SYNE1: variants seen among roughly 807,000 people sequenced by gnomAD.
SYNE1 encodes spectrin repeat containing nuclear envelope protein 1.
A neutral mutation model predicts 1,111.0 loss-of-function variants in SYNE1; 616 were observed. The ratio of observed to expected loss-of-function variants is 0.55; its 90% confidence interval spans 0.52 to 0.59. The LOEUF is 0.59. SYNE1 is among the 20% of genes least tolerant of loss of function. The pLI is 0.00. For missense variants in SYNE1, 10,006 were observed against 10,417.0 expected (o/e 0.96, Z 1.72); for synonymous variants, 3,855 against 3,825.8 (o/e 1.01, Z -0.28).
chr6:152,461,519 G>A, intron 21 of SYNE1, 78 bp downstream of exon 21: 1 of 1,569,050 alleles, frequency 6.4e-7, no homozygotes, highest in East Asian at 2.2e-5. Flanking sequence ...CTTTGCCCAT[G>A]GGGAGAAGGA....
chr6:152,221,242 G>C (rs182707990), intron 118 of SYNE1, among the ~76,000 whole-genome samples, 184 bp downstream of exon 118: 17 of 152,256 alleles, frequency 1.1e-4, no homozygotes, highest in Admixed American at 5.2e-4. Context: ...TGGGTGTACA[G>C]TACTTCTAAT....
At position 152,463,363 on chromosome 6, in the gene SYNE1, T is replaced by C. The variant is rs1475464182; in HGVS notation, c.2087A>G (p.Glu696Gly). 2 of 1,613,612 alleles carry C rather than the reference T, an allele frequency of 1.2e-6. No individual in the cohort carries two copies. The highest frequency in any genetic ancestry group is 2.2e-5 in the South Asian group (2 of 91,084). Residue 696 changes from glutamate (E) to glycine (G), a missense_variant, in exon 19 of 146, where the codon GAA becomes GGA. Physicochemically the swap from Glu to Gly is moderately conservative, Grantham distance 98. Coordinates refer to ENST00000367255, the MANE Select transcript of SYNE1 (RefSeq NM_182961.4). ...LNGRWRELFM[E>G]VKQYAQADEM... ...ACTTGAAAGACATACTTGCTTGACT[T>C]CCATAAACAACTCCCTCCACCGCCC...
At chr6:152,398,130 T>G (rs2097764141) in intron 49 of SYNE1, among the ~76,000 whole-genome samples, 1 of 152,210 alleles carries the variant, frequency 6.6e-6, no homozygotes, top group South Asian at 2.1e-4. Context: ...TTCTTAACTC[T>G]ACTTCACCAT....
At chr6:152,541,606 G>C (rs945333866) in intron 3 of SYNE1, among the ~76,000 whole-genome samples, 6 of 151,902 alleles carry the variant, frequency 3.9e-5, no homozygotes, top group Non-Finnish European at 2.9e-5. Flanking sequence ...AAATTAGCCG[G>C]GTGTGCTGGC....
At chr6:152,549,281 A>G (rs760641909) in intron 3 of SYNE1, among the ~76,000 whole-genome samples, 14 of 152,218 alleles carry the variant, frequency 9.2e-5, no homozygotes, top group Non-Finnish European at 1.9e-4. Flanking sequence ...TGCCTGGTAT[A>G]TTGTCTTATA....
At chr6:152,582,876 T>C (rs2099525219) in intron 3 of SYNE1, among the ~76,000 whole-genome samples, 1 of 152,154 alleles carries the variant, frequency 6.6e-6, no homozygotes, top group South Asian at 2.1e-4. Context: ...AATTCTACAA[T>C]ATAAATTTAT....
At chr6:152,310,227 A>C (rs1372898627) in intron 89 of SYNE1, among the ~76,000 whole-genome samples, 169 bp downstream of exon 89, 1 of 152,028 alleles carries the variant, frequency 6.6e-6, no homozygotes, top group Non-Finnish European at 1.5e-5. Flanking sequence ...GGACCACATG[A>C]GTTCAGGAGT....
chr6:152,466,103 G>T, intron 16 of SYNE1, 25 bp from the exon 17 acceptor site: 1 of 1,448,520 alleles, frequency 6.9e-7, no homozygotes. Context: ...ATGGTTAGAA[G>T]ATAGCAAACA....
chr6:152,328,324 G>T (rs1479100723), intron 78 of SYNE1, among the ~76,000 whole-genome samples: 2 of 151,920 alleles, frequency 1.3e-5, no homozygotes, highest in East Asian at 1.9e-4. Flanking sequence ...GGAGAAAATG[G>T]GCCAAGAAGT....
chr6:152,420,410 A>C (rs1020918930), intron 39 of SYNE1, among the ~76,000 whole-genome samples: 8 of 152,346 alleles, frequency 5.3e-5, no homozygotes, highest in African/African-American at 1.9e-4. Context: ...ACTTGAAGTC[A>C]GGAGTTTGAG....
chr6:152,309,105 G>A (rs952998432), intron 90 of SYNE1, among the ~76,000 whole-genome samples: 3 of 152,162 alleles, frequency 2.0e-5, no homozygotes, highest in Admixed American at 2.0e-4. Flanking sequence ...GATCATGTGA[G>A]CCCAGGAGTT....
In SYNE1 at chr6:152,369,578, C is replaced by T. The variant is rs751435080; in HGVS notation, c.9544G>A (p.Ala3182Thr). ...CTCAGCCAGTCCTGGATAGGCTCAG[C>T]ACTTACTTCAAAGTCCTTCATTTGG... ...KIQMKDFEVS[A>T]EPIQDWLSKT... is the part of the protein sequence containing the mutation. Residue 3182 changes from alanine (A) to threonine (T), a missense_variant, in exon 60 of 146, where the codon GCT (alanine) becomes ACT (threonine). Ala to Thr is a moderately conservative substitution (Grantham distance 58). This residue lies in a region of SYNE1 where 4,955 missense variants were observed against 5,017.2 expected (regional missense o/e 0.99). Transcript: ENST00000367255. The T allele has an allele frequency of 5.8e-5, 93 of 1,614,172 alleles. No individual in the cohort carries two copies. The South Asian group carries it at 7.9e-4, about 14-fold the overall frequency.
chr6:152,589,800 A>T (rs1565032750), intron 3 of SYNE1, among the ~76,000 whole-genome samples: 1 of 152,126 alleles, frequency 6.6e-6, no homozygotes, highest in Non-Finnish European at 1.5e-5. Context: ...AGCAAACCTT[A>T]GCTGGATCCA....
intron 69 of SYNE1, 124 bp downstream of exon 69, chr6:152,353,139 T>C: frequency 7.7e-7 from 1 of 1,294,596 alleles, no homozygotes; most frequent in Non-Finnish European, 1.1e-6. Context: ...AGTAAAATGA[T>C]GAGCTCAGGA....
chr6:152,626,886 A>T (rs1003081339), intron 3 of SYNE1, among the ~76,000 whole-genome samples: 7 of 152,200 alleles, frequency 4.6e-5, no homozygotes, highest in African/African-American at 1.4e-4. Context: ...AGAGCTTGGT[A>T]TGTATTTGAA....
chr6:152,233,810 T>C lies in SYNE1; in HGVS notation c.20683A>G (p.Ile6895Val), dbSNP rs2083347552. 3.7e-6 allele frequency: 6 copies of C among 1,614,076 alleles called. No homozygotes were observed. The African/African-American group carries it at 6.7e-5, about 18-fold the overall frequency. The change falls in exon 112 of 146, where the codon ATC (isoleucine) becomes GTC (valine). Residue 6895 changes from isoleucine (I) to valine (V), a missense_variant. Physicochemically the swap from Ile to Val is conservative, Grantham distance 29. Coordinates refer to ENST00000367255, the MANE Select transcript of SYNE1 (RefSeq NM_182961.4). ...DSQWTDLLTNIPAVQEKLHQL... is the reference protein window; with the variant it reads ...DSQWTDLLTNVPAVQEKLHQL... ...TGGAGCTTCTCCTGGACGGCTGGGA[T>C]ATTGGTTAGCAGGTCAGTCCACTGG...
chr6:152,347,365 T>C (rs2096656085), intron 72 of SYNE1, 130 bp from the exon 73 acceptor site: 1 of 1,100,214 alleles, frequency 9.1e-7, no homozygotes, highest in Admixed American at 2.2e-5. Flanking sequence ...ACCTTAGTTA[T>C]ATATTAAATG....
At chr6:152,353,859 A>T in intron 67 of SYNE1, 115 bp from the exon 68 acceptor site, 1 of 1,370,370 alleles carries the variant, frequency 7.3e-7, no homozygotes, top group Non-Finnish European at 1.0e-6. Flanking sequence ...GTTTATTTTG[A>T]GATTTAATTT....
chr6:152,350,570 A>G, intron 71 of SYNE1, 48 bp downstream of exon 71: 1 of 1,613,548 alleles, frequency 6.2e-7, no homozygotes, highest in Non-Finnish European at 8.5e-7. Context: ...GTCAGGGCCC[A>G]CATTTTGGAA....
Sources: allele counts gnomAD v4.1 joint callset (sites outside exome capture counted in the v4.1 genomes callset), GRCh38; gene constraint gnomAD v4.1.1; regional missense constraint gnomAD v4.1.1; transcripts MANE v1.5; gene names NCBI Gene and HGNC (gene_info 2026-07-23, HGNC 2026-07-21).